Variants in CAMKK2 observed in about 807,000 individuals in gnomAD.
CAMKK2 encodes the protein calcium/calmodulin-dependent protein kinase kinase 2.
In CAMKK2, 30 loss-of-function variants were observed where a neutral mutation model predicts 67.2. The ratio of observed to expected loss-of-function variants is 0.45; its 90% CI spans 0.33 to 0.61. The LOEUF (loss-of-function observed/expected upper bound fraction) is 0.61. Among genes scored for constraint, CAMKK2 ranks in the 20% least tolerant of loss-of-function variants. CAMKK2 has a pLI of 0.02. For missense variants in CAMKK2, 643 were observed against 802.0 expected, an observed-to-expected ratio of 0.80 and a Z score of 2.39; for synonymous variants, 322 against 326.2, an observed-to-expected ratio of 0.99 and a Z score of 0.14.
intron 16 of CAMKK2, chr12:121,244,126 A>G (rs1888930471): frequency 1.2e-6 from 2 of 1,611,738 alleles, no homozygotes; most frequent in Non-Finnish European, 1.7e-6. Flanking sequence ...CTTATTTTCT[A>G]GGTCTAAACA....
At chr12:121,280,799 TGGTCAGACC>T (rs1351996498) in intron 1 of CAMKK2, among the ~76,000 whole-genome samples, 14 of 152,204 alleles carry the variant, frequency 9.2e-5, no homozygotes, top group Non-Finnish European at 1.3e-4. Flanking sequence ...TGATAAATTT[TGGTCAGACC>T]GGTTGATCTC....
chr12:121,284,516 G>C lies in CAMKK2; in HGVS notation c.-59-9931C>G, dbSNP rs142457682. Among the ~76,000 whole-genome samples, 247 of 152,136 alleles carry C rather than the reference G, an allele frequency of 1.6e-3. 1 individual carries two copies. Among genetic ancestry groups the C allele is most frequent in the Non-Finnish European group, 2.9e-3 (194 of 68,000 alleles). ...TTTTTGTGTTTTTTGGTGGAGACAG[G>C]GTTTCACCATGTTGCCCAGGCTGGT... On this transcript the variant is annotated intron_variant, in intron 1 of 16. Transcript: ENST00000404169.
rs181777194 is a variant in CAMKK2, at chr12:121,259,113, A to G, written c.796+1206T>C. Among the ~76,000 whole-genome samples, 14 of 152,192 alleles carry G rather than the reference A, an allele frequency of 9.2e-5. No homozygotes were observed. In the East Asian group the frequency reaches 1.9e-3, roughly 21 times the overall value. On this transcript the variant is annotated intron_variant, in intron 7 of 16. Transcript: ENST00000404169. The stretch of plus-strand genomic sequence containing the variant: ...CCGCTCGGACTCCCAAAGCGCTGGG[A>G]TTACAGGGGTGAGCCACTGTGCCCG...
In CAMKK2 at chr12:121,239,473, T is replaced by G. The variant is rs144715470; in HGVS notation, c.*1226A>C. 388 of 152,356 alleles carry G rather than the reference T, an allele frequency of 2.5e-3. No homozygotes were observed. Among genetic ancestry groups the G allele is most frequent in the African/African-American group, 8.8e-3 (368 of 41,582 alleles). 9.4% of individuals were successfully genotyped at this position (152,356 alleles called of 1,614,324 possible). A position where few individuals can be genotyped will look rare whatever the true frequency, so the allele number is the denominator to read the frequency against. On this transcript the variant is annotated 3_prime_UTR_variant, in exon 17 of 17. Transcript: ENST00000404169. ...GGTTTCCTCATACCCCAACGAGTGC[T>G]GTGGGTTTCAACAGTCTTCTCTAAA...
At chr12:121,247,127 G>C (rs866121701) in intron 14 of CAMKK2, among the ~76,000 whole-genome samples, 1 of 151,696 alleles carries the variant, frequency 6.6e-6, no homozygotes, top group Non-Finnish European at 1.5e-5. Context: ...GTGTTAGCCC[G>C]TCCGCCCTCT....
At chr12:121,257,813 C>T (rs1378487434) in intron 7 of CAMKK2, among the ~76,000 whole-genome samples, 4 of 152,076 alleles carry the variant, frequency 2.6e-5, no homozygotes, top group Non-Finnish European at 5.9e-5. Flanking sequence ...TCTGGCCTTT[C>T]CTGCCTTGGT....
At chr12:121,259,391 C>T (rs940126974) in intron 7 of CAMKK2, among the ~76,000 whole-genome samples, 1 of 152,202 alleles carries the variant, frequency 6.6e-6, no homozygotes, top group Non-Finnish European at 1.5e-5. Flanking sequence ...CCTGATGAAC[C>T]TACAGCAGGG....
intron 5 of CAMKK2, among the ~76,000 whole-genome samples, chr12:121,265,921 T>C (rs1235762787): frequency 6.6e-6 from 1 of 151,404 alleles, no homozygotes; most frequent in African/African-American, 2.4e-5. Context: ...AAGGATGCGG[T>C]CAGAAGGCAC....
At chr12:121,256,924 C>A (rs1044222847) in intron 7 of CAMKK2, among the ~76,000 whole-genome samples, 1 of 151,750 alleles carries the variant, frequency 6.6e-6, no homozygotes, top group Non-Finnish European at 1.5e-5. Context: ...TGGGTATATA[C>A]CTAGGAGTGG....
chr12:121,284,797 G>A (rs1445469502), intron 1 of CAMKK2, among the ~76,000 whole-genome samples: 1 of 152,188 alleles, frequency 6.6e-6, no homozygotes, highest in Non-Finnish European at 1.5e-5. Flanking sequence ...AGAGATGAGA[G>A]CGAAAGCACA....
chr12:121,264,457 C>T (rs1894100412), intron 5 of CAMKK2, among the ~76,000 whole-genome samples: 3 of 151,892 alleles, frequency 2.0e-5, no homozygotes, highest in South Asian at 2.1e-4. Flanking sequence ...GGCAACACGG[C>T]GAAACCCTGA....
chr12:121,265,904 G>A (rs1894431712), intron 5 of CAMKK2, among the ~76,000 whole-genome samples: 1 of 151,626 alleles, frequency 6.6e-6, no homozygotes, highest in African/African-American at 2.4e-5. Context: ...TAGCCCCTCT[G>A]CCATGTAAGG....
intron 10 of CAMKK2, 55 bp from the exon 11 acceptor site, chr12:121,252,769 C>T: frequency 1.9e-6 from 3 of 1,576,762 alleles, no homozygotes; most frequent in South Asian, 2.2e-5. Context: ...GCCTCCAATC[C>T]TCCAGTTTTC....
At chr12:121,273,926 G>A in intron 2 of CAMKK2, 130 bp downstream of exon 2, 2 of 706,050 alleles carry the variant, frequency 2.8e-6, no homozygotes, top group East Asian at 2.9e-5. Flanking sequence ...AGGTTCCCTG[G>A]AGTCAACTCC....
intron 1 of CAMKK2, among the ~76,000 whole-genome samples, chr12:121,287,482 CAGG>C (rs1898985860): frequency 6.6e-6 from 1 of 151,978 alleles, no homozygotes; most frequent in African/African-American, 2.4e-5. Context: ...GCAGTTGGGC[CAGG>C]AGGAGATCCA....
In CAMKK2 at chr12:121,250,116, C is replaced by T. The variant is rs562812993; in HGVS notation, c.1162-82G>A. The T allele has an allele frequency of 9.9e-5, 102 of 1,026,176 alleles. No homozygotes were observed. In the African/African-American group the frequency reaches 1.5e-3, roughly 15 times the overall value. The allele number at this position is 1,026,176 out of a possible 1,614,324, so 63.6% of individuals were successfully genotyped here. A position where few individuals can be genotyped will look rare whatever the true frequency, so the allele number is the denominator to read the frequency against. On this transcript the variant is annotated intron_variant, in intron 11 of 16. Transcript: ENST00000404169. ...GGGCCACCTGTGCTGTGCCACTCCA[C>T]ATAGGATACAGCAGAGAAATCAACA...
At chr12:121,295,724 A>G (rs181323478) in intron 1 of CAMKK2, among the ~76,000 whole-genome samples, 11 of 152,282 alleles carry the variant, frequency 7.2e-5, no homozygotes, top group Non-Finnish European at 1.3e-4. Flanking sequence ...TCTTGCTGAT[A>G]GCACTGAGAC....
At chr12:121,248,983 G>T (rs1339372269) in intron 13 of CAMKK2, among the ~76,000 whole-genome samples, 1 of 152,258 alleles carries the variant, frequency 6.6e-6, no homozygotes, top group African/African-American at 2.4e-5. Context: ...CCGGGTCTTG[G>T]CCGAAGTGAT....
chr12:121,273,082 A>G (rs1216353456), intron 2 of CAMKK2, among the ~76,000 whole-genome samples: 2 of 152,150 alleles, frequency 1.3e-5, no homozygotes, highest in Non-Finnish European at 2.9e-5. Context: ...CAGGCAATAA[A>G]CAACTAAACC....
Sources: allele counts gnomAD v4.1 joint callset (sites outside exome capture counted in the v4.1 genomes callset), GRCh38; gene constraint gnomAD v4.1.1; transcripts MANE v1.5; gene names NCBI Gene and HGNC (gene_info 2026-07-23, HGNC 2026-07-21).